The following PLOD2 variants were observed in gnomAD, a reference collection of about 807,000 sequenced individuals.
PLOD2 encodes lysine hydroxylase 2.
Under a neutral mutation model 101.0 loss-of-function variants are expected in PLOD2, and 65 were observed. The ratio of observed to expected loss-of-function variants is 0.64; its 90% CI spans 0.53 to 0.79. PLOD2 has a LOEUF of 0.79. Ranked by LOEUF, PLOD2 falls within the 30% of genes least tolerant of loss-of-function variation. The pLI is 0.00. For missense variants in PLOD2, 909 were observed against 914.6 expected, an observed-to-expected ratio of 0.99 and a Z score of 0.08; for synonymous variants, 314 against 302.9, an observed-to-expected ratio of 1.04 and a Z score of -0.38.
At chr3:146,119,878 T>C (rs1001686566) in intron 3 of PLOD2, among the ~76,000 whole-genome samples, 13 of 152,210 alleles carry the variant, frequency 8.5e-5, no homozygotes, top group Admixed American at 7.9e-4. Flanking sequence ...GTCTTTGCTA[T>C]CGTGAATAGT....
intron 1 of PLOD2, among the ~76,000 whole-genome samples, chr3:146,149,236 C>T (rs887051594): frequency 6.6e-6 from 1 of 152,066 alleles, no homozygotes. Context: ...GACTCTTTTT[C>T]GAAAGAAGTT....
chr3:146,079,731 A>C (rs1288907528), intron 12 of PLOD2, among the ~76,000 whole-genome samples: 1 of 152,002 alleles, frequency 6.6e-6, no homozygotes, highest in East Asian at 1.9e-4. Flanking sequence ...CCATGGTAGA[A>C]GTATTTACAC....
At chr3:146,145,974 G>A (rs2031755156) in intron 1 of PLOD2, among the ~76,000 whole-genome samples, 2 of 152,128 alleles carry the variant, frequency 1.3e-5, no homozygotes, top group Admixed American at 1.3e-4. Flanking sequence ...TTCCATAAAA[G>A]TTACAATCCA....
At position 146,070,839 on chromosome 3, in the gene PLOD2, A is replaced by G; in HGVS notation, c.2155T>C (p.Ser719Pro). 2 of 1,610,684 alleles carry G rather than the reference A, an allele frequency of 1.2e-6. No homozygotes were observed. The highest frequency in any genetic ancestry group is 1.1e-5 in the South Asian group (1 of 90,994). The change falls in exon 20 of 20, where the codon TCT (serine) becomes CCT (proline). Residue 719 changes from serine (S) to proline (P), a missense_variant. Ser to Pro is a moderately conservative substitution (Grantham distance 74). Transcript: ENST00000282903. Reference sequence around the variant, plus strand: ...CAGCCTTTTCGTGGTGACTCAATAGAGCAATTGTACCTTAGAAATTTGCAA... The same window carrying G: ...CAGCCTTTTCGTGGTGACTCAATAGGGCAATTGTACCTTAGAAATTTGCAA... ...GGCKFLRYNC[S>P]IESPRKGWSF... is the part of the protein sequence containing the mutation.
chr3:146,136,547 T>C (rs1024982865), intron 1 of PLOD2, among the ~76,000 whole-genome samples: 2 of 152,210 alleles, frequency 1.3e-5, no homozygotes, highest in African/African-American at 2.4e-5. Context: ...ATTATGTGTA[T>C]ATAAATACAG....
At chr3:146,157,753 C>CA (rs2032371119) in intron 1 of PLOD2, among the ~76,000 whole-genome samples, 1 of 152,118 alleles carries the variant, frequency 6.6e-6, no homozygotes, top group Non-Finnish European at 1.5e-5. Context: ...ATAAAAGGCA[C>CA]AGTCTGTTTA....
At chr3:146,112,888 T>C (rs1408253666) in intron 3 of PLOD2, among the ~76,000 whole-genome samples, 1 of 147,274 alleles carries the variant, frequency 6.8e-6, no homozygotes, top group Non-Finnish European at 1.5e-5. Context: ...GATGGGGTAA[T>C]AGGTGCGGCA....
At chr3:146,086,350 T>C (rs1238220677) in intron 10 of PLOD2, 1 of 152,850 alleles carries the variant, frequency 6.5e-6, no homozygotes, top group African/African-American at 2.4e-5. Flanking sequence ...AGGCCTACAA[T>C]GCCCGTTTCT....
rs764516712 is a variant in PLOD2 at position 146,121,300 on chromosome 3, T to C, written c.202-52A>G. 6.8e-5 allele frequency: 105 copies of C among 1,538,078 alleles called. No homozygotes were observed. In the Admixed American group the frequency reaches 1.7e-3, roughly 25 times the overall value. On this transcript the variant is annotated intron_variant, in intron 2 of 19. Coordinates refer to ENST00000282903, the MANE Select transcript of PLOD2 (RefSeq NM_182943.3). Reference sequence around the variant, plus strand: ...CTGAGCAAAACTCAAATTATGAAAGTACTATGAAAAACTTAAAGACATCAT... The same window carrying C: ...CTGAGCAAAACTCAAATTATGAAAGCACTATGAAAAACTTAAAGACATCAT...
Position 146,102,921 on chromosome 3 carries a change from CTG to C in PLOD2, c.680-71_680-70del. 4 of 821,732 alleles carry C rather than the reference CTG, an allele frequency of 4.9e-6. No homozygotes were observed. In the East Asian group the frequency reaches 7.6e-5, roughly 16 times the overall value. The allele number at this position is 821,732 out of a possible 1,614,324, so 50.9% of individuals were successfully genotyped here. ...TGTGTGTGTGTCTGTATTCGTGTGT[CTG>C]TGTGTGTATGTGTGTGTATCATCAT... On this transcript the variant is annotated intron_variant, in intron 6 of 19. Transcript: ENST00000282903.
chr3:146,100,720 T>C (rs1279341724), intron 7 of PLOD2, among the ~76,000 whole-genome samples: 1 of 152,046 alleles, frequency 6.6e-6, no homozygotes, highest in Non-Finnish European at 1.5e-5. Context: ...AGGGTGTGCA[T>C]GTGTAGGGTT....
intron 1 of PLOD2, among the ~76,000 whole-genome samples, chr3:146,146,830 T>C (rs1156327454): frequency 6.6e-6 from 1 of 152,196 alleles, no homozygotes; most frequent in African/African-American, 2.4e-5. Context: ...TTTCCAGTAA[T>C]TGTATAAGCT....
intron 1 of PLOD2, among the ~76,000 whole-genome samples, chr3:146,129,809 T>C (rs1052257586): frequency 1.3e-5 from 2 of 152,176 alleles, no homozygotes; most frequent in Admixed American, 1.3e-4. Context: ...TAACTCTAGA[T>C]ACGCCTTCTC....
chr3:146,088,748 T>A, intron 8 of PLOD2, 37 bp from the exon 9 acceptor site: 1 of 1,509,232 alleles, frequency 6.6e-7, no homozygotes, highest in Non-Finnish European at 9.2e-7. Context: ...AAAATTATCA[T>A]TAGTATGGTT....
intron 8 of PLOD2, among the ~76,000 whole-genome samples, chr3:146,090,088 T>C (rs1936925671): frequency 6.6e-6 from 1 of 151,238 alleles, no homozygotes. Flanking sequence ...ATTAAATTTA[T>C]ACAAATAGAA....
At chr3:146,158,611 T>C (rs2032413568) in intron 1 of PLOD2, among the ~76,000 whole-genome samples, 1 of 152,196 alleles carries the variant, frequency 6.6e-6, no homozygotes, top group East Asian at 1.9e-4. Context: ...TAGATTAGTC[T>C]AATCCAGGGA....
At chr3:146,120,749 G>GA (rs1407380454) in intron 3 of PLOD2, among the ~76,000 whole-genome samples, 2 of 151,738 alleles carry the variant, frequency 1.3e-5, no homozygotes, top group Non-Finnish European at 2.9e-5. Context: ...TTTTTGAAAT[G>GA]GAGTCTTGCT....
intron 3 of PLOD2, among the ~76,000 whole-genome samples, chr3:146,119,445 C>CTT (rs145017515): frequency 2.3e-4 from 34 of 151,066 alleles, no homozygotes; most frequent in East Asian, 7.8e-4. Flanking sequence ...ACTTTTGCCT[C>CTT]TTTTTTTTTA....
At chr3:146,090,715 A>C (rs7619272) in intron 8 of PLOD2, among the ~76,000 whole-genome samples, 2 of 151,682 alleles carry the variant, frequency 1.3e-5, no homozygotes, top group Admixed American at 6.6e-5. Context: ...TACTCTTTAT[A>C]CTCCTTTCAG....
Sources: allele counts gnomAD v4.1 joint callset (sites outside exome capture counted in the v4.1 genomes callset), GRCh38; gene constraint gnomAD v4.1.1; transcripts MANE v1.5; gene names NCBI Gene and HGNC (gene_info 2026-07-23, HGNC 2026-07-21).